The following CERT1 variants were observed in gnomAD, a reference collection of about 807,000 sequenced individuals.
CERT1 encodes the protein ceramide transporter 1.
Under a neutral mutation model 87.9 loss-of-function variants are expected in CERT1, and 31 were observed. That is an observed-to-expected ratio of 0.35 (90% CI 0.27 to 0.48). CERT1 has a LOEUF of 0.48. Ranked by LOEUF, CERT1 falls within the 20% of genes least tolerant of loss-of-function variation. CERT1 has a pLI of 0.99. For synonymous variants in CERT1, 289 were observed against 250.9 expected, an observed-to-expected ratio of 1.15 and a Z score of -1.44; for missense variants, 487 against 758.0, an observed-to-expected ratio of 0.64 and a Z score of 4.20.
At chr5:75,432,258 T>C (rs1240503177) in intron 3 of CERT1, among the ~76,000 whole-genome samples, 2 of 152,204 alleles carry the variant, frequency 1.3e-5, no homozygotes, top group Non-Finnish European at 2.9e-5. Flanking sequence ...GGTTTTGCCA[T>C]GTTAGCCAGG....
chr5:75,508,843 G>A (rs1262443614), intron 1 of CERT1, among the ~76,000 whole-genome samples: 1 of 152,030 alleles, frequency 6.6e-6, no homozygotes, highest in Non-Finnish European at 1.5e-5. Context: ...CAAACAGTTT[G>A]GTGTGTGGAA....
chr5:75,394,607 C>A (rs962937409), intron 11 of CERT1, among the ~76,000 whole-genome samples: 15 of 152,214 alleles, frequency 9.9e-5, no homozygotes, highest in Middle Eastern at 3.4e-3. Context: ...AGTCCTTAGC[C>A]CCCGCTACTG....
intron 11 of CERT1, among the ~76,000 whole-genome samples, chr5:75,393,961 C>T (rs2112052984): frequency 6.6e-6 from 1 of 151,684 alleles, no homozygotes; most frequent in South Asian, 2.1e-4. Flanking sequence ...CAAGACTCCA[C>T]CTCAAAAAAG....
chr5:75,389,692 A>G lies in CERT1; in HGVS notation c.1189-5T>C. On this transcript the variant is annotated splice_polypyrimidine_tract_variant and splice_region_variant and intron_variant, in intron 11 of 16. Coordinates refer to ENST00000643780, the MANE Select transcript of CERT1 (RefSeq NM_001379029.1). ...GTTCTGCACCATCTCTTCAACCTTG[A>G]GAAGGGAGGAAAAAGGCATGAGAAT... is the stretch of plus-strand genomic sequence containing the variant. 6.2e-7 allele frequency: 1 copy of G among 1,610,666 alleles called. No homozygotes were observed. Among genetic ancestry groups the G allele is most frequent in the East Asian group, 2.2e-5 (1 of 44,850 alleles).
At chr5:75,407,872 T>G (rs76422986) in intron 8 of CERT1, among the ~76,000 whole-genome samples, 3 of 147,442 alleles carry the variant, frequency 2.0e-5, no homozygotes, top group Non-Finnish European at 3.0e-5. Context: ...TTTTTTTTTT[T>G]GGCACAATTG....
At chr5:75,442,532 G>C (rs1764364479) in intron 3 of CERT1, among the ~76,000 whole-genome samples, 1 of 152,136 alleles carries the variant, frequency 6.6e-6, no homozygotes, top group African/African-American at 2.4e-5. Flanking sequence ...TTCTGATTTA[G>C]TCTTGGTCAG....
At chr5:75,440,033 G>T (rs1764257451) in intron 3 of CERT1, among the ~76,000 whole-genome samples, 1 of 151,936 alleles carries the variant, frequency 6.6e-6, no homozygotes, top group Non-Finnish European at 1.5e-5. Context: ...CCTTCCCTGG[G>T]CTTCATTTTA....
Position 75,479,103 on chromosome 5 carries a change from CA to C in CERT1, c.232-19923del, listed in dbSNP as rs143501850. Among the ~76,000 whole-genome samples, 359 of 148,294 alleles carry C rather than the reference CA, an allele frequency of 2.4e-3. 1 individual carries two copies. In the East Asian group the frequency reaches 0.028, roughly 12 times the overall value. On this transcript the variant is annotated intron_variant, in intron 2 of 16. Coordinates refer to ENST00000643780, the MANE Select transcript of CERT1 (RefSeq NM_001379029.1). ...AAGTCCCCTATGATATTAAATGGGA[CA>C]AAAAAAAAGACTGTGTTTTGTTGAG... is the stretch of plus-strand genomic sequence containing the variant.
At chr5:75,404,451 C>A (rs1235013574) in intron 8 of CERT1, among the ~76,000 whole-genome samples, 1 of 152,144 alleles carries the variant, frequency 6.6e-6, no homozygotes, top group Non-Finnish European at 1.5e-5. Flanking sequence ...TAGAGGCCTT[C>A]CTCCTGCAGG....
At chr5:75,392,461 T>C (rs767981834) in intron 11 of CERT1, among the ~76,000 whole-genome samples, 5 of 152,292 alleles carry the variant, frequency 3.3e-5, no homozygotes, top group East Asian at 1.9e-4. Context: ...TCTTCATTCA[T>C]GATAATATCT....
intron 5 of CERT1, among the ~76,000 whole-genome samples, chr5:75,420,598 C>A (rs935547050): frequency 2.6e-5 from 4 of 152,086 alleles, no homozygotes; most frequent in African/African-American, 9.7e-5. Context: ...AATTTTCATT[C>A]ATCCCAGGCT....
rs921196295 is a variant in CERT1 at position 75,394,876 on chromosome 5, A to G, written c.1188+4434T>C. The stretch of plus-strand genomic sequence containing the variant: ...ATACAAGGATTTTAAAAAATCAGGC[A>G]CATATGGATAAGTACATACACCTTA... On this transcript the variant is annotated intron_variant, in intron 11 of 16. Transcript: ENST00000643780. 2.0e-5 allele frequency among the ~76,000 whole-genome samples: 3 copies of G among 152,242 alleles called. No individual in the cohort carries two copies. In the East Asian group the frequency reaches 5.8e-4, roughly 29 times the overall value.
chr5:75,445,696 G>A (rs1267174892), intron 3 of CERT1, among the ~76,000 whole-genome samples: 1 of 152,110 alleles, frequency 6.6e-6, no homozygotes, highest in Non-Finnish European at 1.5e-5. Context: ...GTCTTGCGAT[G>A]TTGCTAAAGC....
intron 8 of CERT1, among the ~76,000 whole-genome samples, chr5:75,407,545 C>A (rs1049825888): frequency 3.5e-5 from 5 of 141,958 alleles, no homozygotes; most frequent in African/African-American, 7.9e-5. Flanking sequence ...AACAAACAAA[C>A]AAAAAAAACG....
chr5:75,444,329 CA>C (rs1184417656), intron 3 of CERT1, among the ~76,000 whole-genome samples: 1 of 152,136 alleles, frequency 6.6e-6, no homozygotes, highest in Middle Eastern at 3.2e-3. Flanking sequence ...GCTGGAATTA[CA>C]AATGTGAGCC....
In CERT1 at chr5:75,511,312, G is replaced by C. The variant is rs1245114881; in HGVS notation, c.-105C>G. 1 of 1,551,636 alleles carries C rather than the reference G, an allele frequency of 6.4e-7. No homozygotes were observed. The highest frequency in any genetic ancestry group is 1.4e-5 in the African/African-American group (1 of 73,202). On this transcript the variant is annotated 5_prime_UTR_variant, in exon 1 of 17. Coordinates refer to ENST00000643780, the MANE Select transcript of CERT1 (RefSeq NM_001379029.1). Reference sequence around the variant, plus strand: ...GGGTCGGGGGATGGCGAAGCGAAGAGTGCCCGCTCCGGTGTGGGGGGGAGC... The same window carrying C: ...GGGTCGGGGGATGGCGAAGCGAAGACTGCCCGCTCCGGTGTGGGGGGGAGC...
chr5:75,505,821 A>C (rs1767624690), intron 2 of CERT1, 161 bp downstream of exon 2: 1 of 495,022 alleles, frequency 2.0e-6, no homozygotes, highest in Admixed American at 3.9e-5. Context: ...AGTAAAAACC[A>C]CAGTAAAATC....
intron 2 of CERT1, among the ~76,000 whole-genome samples, chr5:75,496,077 T>C (rs1414066184): frequency 6.6e-6 from 1 of 152,092 alleles, no homozygotes; most frequent in Admixed American, 6.5e-5. Context: ...TTGCCAAACA[T>C]GTACCTGACA....
intron 2 of CERT1, among the ~76,000 whole-genome samples, chr5:75,483,342 A>T (rs534167349): frequency 6.6e-6 from 1 of 152,208 alleles, no homozygotes; most frequent in Non-Finnish European, 1.5e-5. Context: ...GTCAGAGGAG[A>T]TAAAAAAAGA....
Sources: gnomAD v4.1 joint callset for allele counts (sites outside exome capture counted in the v4.1 genomes callset) on GRCh38, gnomAD v4.1.1 for gene constraint, MANE v1.5 for transcripts, NCBI Gene and HGNC (gene_info 2026-07-23, HGNC 2026-07-21) for gene names.